Variants in ZDHHC24 observed in about 807,000 individuals in gnomAD.
ZDHHC24 encodes the protein zDHHC palmitoyltransferase 24, also known as probable palmitoyltransferase ZDHHC24.
ZDHHC24 carries 17 observed loss-of-function variants against 23.2 expected under a neutral mutation model. The observed-to-expected ratio is 0.73, with a 90% confidence interval of 0.50 to 1.10. The LOEUF (loss-of-function observed/expected upper bound fraction) is 1.10. Among genes scored for constraint, ZDHHC24 ranks in the 50% least tolerant of loss-of-function variants. The pLI, the probability that ZDHHC24 is intolerant of heterozygous loss-of-function variation, is 0.00. For missense variants in ZDHHC24, 366 were observed against 393.0 expected (o/e 0.93, Z 0.58); for synonymous variants, 186 against 194.5 (o/e 0.96, Z 0.36).
intron 4 of ZDHHC24, chr11:66,523,373 C>T (rs1253520816): frequency 6.3e-7 from 1 of 1,596,336 alleles, no homozygotes; most frequent in Non-Finnish European, 8.6e-7. Context: ...CAGGTGAGTC[C>T]ATGAGGTTTA....
chr11:66,543,637 TG>T, intron 2 of ZDHHC24, 66 bp downstream of exon 2: 1 of 1,466,600 alleles, frequency 6.8e-7, no homozygotes, highest in Non-Finnish European at 9.0e-7. Flanking sequence ...CCCACCAGAA[TG>T]GGCTGTACTC....
chr11:66,540,596 C>T (rs1000571106), intron 2 of ZDHHC24, among the ~76,000 whole-genome samples: 3 of 151,676 alleles, frequency 2.0e-5, no homozygotes, highest in Non-Finnish European at 4.4e-5. Context: ...GGTGTGGTTG[C>T]GCACGCCCGT....
rs142243239 is a variant in ZDHHC24 at position 66,524,434 on chromosome 11, G to A, written c.*21+2502C>T. Among the ~76,000 whole-genome samples, 9 of 152,026 alleles carry A rather than the reference G, an allele frequency of 5.9e-5. No homozygotes were observed. In the East Asian group the frequency reaches 1.5e-3, roughly 26 times the overall value. On this transcript the variant is annotated intron_variant, in intron 4 of 4. Coordinates refer to the ZDHHC24 transcript ENST00000526986. ...CATAGCAAATTTAAAAGGGCCGACT[G>A]AAGCAGAGCAAAGTGCTAAAAAGCG... is the stretch of plus-strand genomic sequence containing the variant.
intron 4 of ZDHHC24, chr11:66,522,740 A>G: frequency 9.3e-6 from 2 of 214,462 alleles, no homozygotes; most frequent in Non-Finnish European, 1.9e-5. Flanking sequence ...GAACAAGATA[A>G]ATATGGTCCC....
At chr11:66,526,121 A>C (rs761969357) in intron 4 of ZDHHC24, 2 of 1,614,124 alleles carry the variant, frequency 1.2e-6, no homozygotes, top group South Asian at 2.2e-5. Context: ...GTCTCCACAT[A>C]GGATGCAGTG....
downstream of ZDHHC24, chr11:66,531,571 T>G: frequency 6.4e-6 from 10 of 1,564,718 alleles, no homozygotes; most frequent in African/African-American, 1.4e-5. Context: ...TGAGGCTCAG[T>G]GGAGACTGCG....
chr11:66,536,758 C>T lies in ZDHHC24; in HGVS notation c.*2771G>A, dbSNP rs1003825922. On this transcript the variant is annotated 3_prime_UTR_variant, in exon 3 of 3. Coordinates refer to ENST00000310442, the MANE Select transcript of ZDHHC24 (RefSeq NM_207340.3). The stretch of plus-strand genomic sequence containing the variant: ...GGCATGGTGGCACATGCCTGTAATC[C>T]CAGCTACCGAGAGGCTGCAGCAGGA... The T allele has an allele frequency of 6.6e-6, 1 of 151,448 alleles. No homozygotes were observed. Among genetic ancestry groups the T allele is most frequent in the African/African-American group, 2.4e-5 (1 of 41,256 alleles). The allele number at this position is 151,448 out of a possible 1,614,324, so 9.4% of individuals were successfully genotyped here.
intron 4 of ZDHHC24, chr11:66,521,633 C>T (rs1856221476): frequency 2.1e-6 from 1 of 469,432 alleles, no homozygotes. Context: ...AGGCTGGGCG[C>T]TGTGGCTCAC....
At chr11:66,531,664 G>T (rs1358931508), downstream of ZDHHC24, 1 of 1,614,124 alleles carries the variant, frequency 6.2e-7, no homozygotes, top group Non-Finnish European at 8.5e-7. Context: ...AGGTACCCTT[G>T]CTGGTGCCAG....
At chr11:66,543,109 A>G in intron 2 of ZDHHC24, among the ~76,000 whole-genome samples, 1 of 152,162 alleles carries the variant, frequency 6.6e-6, no homozygotes, top group Non-Finnish European at 1.5e-5. Flanking sequence ...AACAAAGAGT[A>G]AAAAGGACCA....
chr11:66,532,777 G>C (rs534265575), downstream of ZDHHC24: 2 of 152,630 alleles, frequency 1.3e-5, no homozygotes, highest in South Asian at 4.1e-4. Context: ...TCCTGACAGG[G>C]ATGCTCATGC....
intron 2 of ZDHHC24, chr11:66,530,100 C>A: frequency 1.7e-6 from 2 of 1,174,216 alleles, no homozygotes; most frequent in Non-Finnish European, 2.4e-6. Flanking sequence ...ACCTGGGGAC[C>A]GAGTCTCATG....
Position 66,544,629 on chromosome 11 carries a change from C to G in ZDHHC24, c.282-648G>C, listed in dbSNP as rs571587884. 2.6e-5 allele frequency among the ~76,000 whole-genome samples: 4 copies of G among 152,270 alleles called. No individual in the cohort carries two copies. In the East Asian group the frequency reaches 5.8e-4, roughly 22 times the overall value. On this transcript the variant is annotated intron_variant, in intron 1 of 2. Coordinates refer to ENST00000310442, the MANE Select transcript of ZDHHC24 (RefSeq NM_207340.3). ...GATTCCCACATGGCTAACCGCCCCC[C>G]ACGCCCTCCAAGTTTTTTGCTCAAA...
chr11:66,524,546 C>T (rs1460651847), intron 4 of ZDHHC24, among the ~76,000 whole-genome samples: 1 of 152,108 alleles, frequency 6.6e-6, no homozygotes, highest in Non-Finnish European at 1.5e-5. Flanking sequence ...GACAGTTCAA[C>T]TGGGCCTCAG....
At position 66,523,880 on chromosome 11, in the gene ZDHHC24, C is replaced by T. The variant is rs2134797927; in HGVS notation, c.*22-2414G>A. On this transcript the variant is annotated intron_variant, in intron 4 of 4. Coordinates refer to the ZDHHC24 transcript ENST00000526986. ...GGCCCTGCTCAATGTCATCCACACC[C>T]CGGTGAGCCCCATCTCCGGCATCTG... 3 of 1,613,012 alleles carry T rather than the reference C, an allele frequency of 1.9e-6. No individual in the cohort carries two copies. Among genetic ancestry groups the T allele is most frequent in the Non-Finnish European group, 2.5e-6 (3 of 1,180,022 alleles).
rs1857033742 is a variant in ZDHHC24, at chr11:66,538,151, A to C, written c.*1378T>G. ...AATGGCTCACACCTGTAATTCCAGC[A>C]CTTCGGGAGGCCAAGGCGGGCGGAT... On this transcript the variant is annotated 3_prime_UTR_variant, in exon 3 of 3. Coordinates refer to ENST00000310442, the MANE Select transcript of ZDHHC24 (RefSeq NM_207340.3). 1 of 151,972 alleles carries C rather than the reference A, an allele frequency of 6.6e-6. No homozygotes were observed. Among genetic ancestry groups the C allele is most frequent in the South Asian group, 2.1e-4 (1 of 4,824 alleles). 9.4% of individuals were successfully genotyped at this position (151,972 alleles called of 1,614,324 possible).
At position 66,529,434 on chromosome 11, in the gene ZDHHC24, G is replaced by T. The variant is rs535562219; in HGVS notation, c.614C>A (p.Pro205Gln). ...GAGACACATGCACAATATCGAGCGT[G>T]GACACCAAGGACTCCTCTTTGTGGT... The change falls in exon 3 of 5, where the codon CCA (proline) becomes CAA (glutamine). Residue 205 changes from proline (P) to glutamine (Q), a missense_variant. Coordinates refer to the ZDHHC24 transcript ENST00000526986. 1.5e-4 allele frequency: 126 copies of T among 856,808 alleles called. 1 individual carries two copies. In the South Asian group the frequency reaches 1.7e-3, roughly 12 times the overall value. The allele number at this position is 856,808 out of a possible 1,614,324, so 53.1% of individuals were successfully genotyped here. A position where few individuals can be genotyped will look rare whatever the true frequency, so the allele number is the denominator to read the frequency against.
chr11:66,535,771 A>G lies in ZDHHC24; in HGVS notation c.*3758T>C, dbSNP rs1856946732. 6.6e-6 allele frequency: 1 copy of G among 152,178 alleles called. No individual in the cohort carries two copies. Among genetic ancestry groups the G allele is most frequent in the Non-Finnish European group, 1.5e-5 (1 of 68,034 alleles). 9.4% of individuals were successfully genotyped at this position (152,178 alleles called of 1,614,324 possible). ...CAGCTGGGTTCCATTCTACATCTCA[A>G]GGGGTTTTTGGGGGGAATTTGACAA... On this transcript the variant is annotated 3_prime_UTR_variant, in exon 3 of 3. Transcript: ENST00000310442.
At chr11:66,543,511 G>A (rs899787666) in intron 2 of ZDHHC24, among the ~76,000 whole-genome samples, 193 bp downstream of exon 2, 3 of 152,158 alleles carry the variant, frequency 2.0e-5, no homozygotes, top group Admixed American at 6.5e-5. Flanking sequence ...CAGCCAGAAC[G>A]CTGCACTTGT....
Sources: gnomAD v4.1 joint callset for allele counts (sites outside exome capture counted in the v4.1 genomes callset) on GRCh38, gnomAD v4.1.1 for gene constraint, MANE v1.5 for transcripts, NCBI Gene and HGNC (gene_info 2026-07-23, HGNC 2026-07-21) for gene names.